PTPRD: variants seen among roughly 807,000 people sequenced by gnomAD.
The protein encoded by PTPRD is receptor-type tyrosine-protein phosphatase delta.
A neutral mutation model predicts 214.5 loss-of-function variants in PTPRD; 34 were observed. That is an observed-to-expected ratio of 0.16 (90% CI 0.12 to 0.21). PTPRD has a LOEUF of 0.21. Among genes scored for constraint, PTPRD ranks in the 10% least tolerant of loss-of-function variants. PTPRD has a pLI of 1.00. For synonymous variants in PTPRD, 1,128 were observed against 845.7 expected (o/e 1.33, Z -5.79); for missense variants, 2,545 against 2,398.7 (o/e 1.06, Z -1.27).
intron 2 of PTPRD, among the ~76,000 whole-genome samples, chr9:10,528,384 T>C (rs1168252698): frequency 6.6e-6 from 1 of 152,142 alleles, no homozygotes; most frequent in Non-Finnish European, 1.5e-5. Flanking sequence ...TGAGTTCACA[T>C]ATATAAATGC....
intron 11 of PTPRD, among the ~76,000 whole-genome samples, chr9:8,856,017 G>C (rs1018476798): frequency 5.3e-5 from 8 of 152,216 alleles, no homozygotes; most frequent in African/African-American, 1.9e-4. Flanking sequence ...ATTATGGAAT[G>C]TGGGAGGTAG....
At chr9:9,810,091 AAAGATG>A (rs2046659972) in intron 5 of PTPRD, among the ~76,000 whole-genome samples, 1 of 149,756 alleles carries the variant, frequency 6.7e-6, no homozygotes, top group Non-Finnish European at 1.5e-5. Flanking sequence ...TACTCAGTGT[AAAGATG>A]AAGATGAAGA....
At chr9:10,387,989 A>T (rs560796392) in intron 2 of PTPRD, among the ~76,000 whole-genome samples, 1 of 151,592 alleles carries the variant, frequency 6.6e-6, no homozygotes, top group East Asian at 2.0e-4. Context: ...AGTTGTCTCA[A>T]GCATTGATCT....
At chr9:8,704,396 G>C (rs1475604389) in intron 12 of PTPRD, among the ~76,000 whole-genome samples, 2 of 152,132 alleles carry the variant, frequency 1.3e-5, no homozygotes, top group African/African-American at 4.8e-5. Flanking sequence ...AGAGTAGGAA[G>C]GAGGATGGGA....
intron 3 of PTPRD, among the ~76,000 whole-genome samples, chr9:10,139,589 C>T (rs2098968144): frequency 6.6e-6 from 1 of 151,656 alleles, no homozygotes; most frequent in South Asian, 2.1e-4. Flanking sequence ...CTTAAGCAAA[C>T]AAACAAACAA....
chr9:9,130,291 T>C (rs1412410763), intron 10 of PTPRD, among the ~76,000 whole-genome samples: 2 of 152,172 alleles, frequency 1.3e-5, no homozygotes, highest in Non-Finnish European at 2.9e-5. Flanking sequence ...TATGAAAATT[T>C]GGGCATTTAC....
intron 11 of PTPRD, among the ~76,000 whole-genome samples, chr9:9,012,982 T>A (rs1258101542): frequency 6.6e-6 from 1 of 152,068 alleles, no homozygotes; most frequent in African/African-American, 2.4e-5. Context: ...AGTGTCTAAA[T>A]TTTTTGAATG....
intron 9 of PTPRD, among the ~76,000 whole-genome samples, chr9:9,230,686 G>T (rs925982280): frequency 6.6e-6 from 1 of 152,000 alleles, no homozygotes; most frequent in African/African-American, 2.4e-5. Context: ...TGCTTGGTAC[G>T]GAAAAACTCC....
intron 2 of PTPRD, among the ~76,000 whole-genome samples, chr9:10,368,198 T>G (rs2097548475): frequency 6.6e-6 from 1 of 152,128 alleles, no homozygotes; most frequent in Admixed American, 6.6e-5. Context: ...CCTCTTTATA[T>G]GTTGTTTTCA....
At chr9:10,409,650 A>G (rs534705414) in intron 2 of PTPRD, among the ~76,000 whole-genome samples, 1 of 151,972 alleles carries the variant, frequency 6.6e-6, no homozygotes, top group East Asian at 2.0e-4. Context: ...ACCACATCAT[A>G]CTTGACACTT....
chr9:8,369,197 A>T (rs1435015960), intron 39 of PTPRD, among the ~76,000 whole-genome samples: 2 of 152,142 alleles, frequency 1.3e-5, no homozygotes, highest in African/African-American at 4.8e-5. Flanking sequence ...ATGGTTAAAA[A>T]TGTATTAAAC....
chr9:8,738,100 C>T (rs1027307008), intron 11 of PTPRD, among the ~76,000 whole-genome samples: 2 of 152,168 alleles, frequency 1.3e-5, no homozygotes, highest in Admixed American at 6.5e-5. Flanking sequence ...TTCCAATTAA[C>T]TGAATTGTAT....
intron 14 of PTPRD, among the ~76,000 whole-genome samples, chr9:8,553,625 T>A (rs1038557947): frequency 6.6e-6 from 1 of 152,172 alleles, no homozygotes. Context: ...TTATGACAGG[T>A]ACATGACTCA....
intron 11 of PTPRD, among the ~76,000 whole-genome samples, chr9:8,957,598 C>G (rs1187043448): frequency 6.6e-6 from 1 of 151,824 alleles, no homozygotes; most frequent in African/African-American, 2.4e-5. Flanking sequence ...TGCACGATTC[C>G]TTGTATCTTT....
rs2088646107 is a variant in PTPRD, at chr9:8,389,543, T to G, written c.4211-136A>C. 5.1e-6 allele frequency: 3 copies of G among 586,910 alleles called. No individual in the cohort carries two copies. In the East Asian group the frequency reaches 9.2e-5, roughly 18 times the overall value. 36.4% of individuals were successfully genotyped at this position (586,910 alleles called of 1,614,324 possible). On this transcript the variant is annotated intron_variant, in intron 36 of 45. Coordinates refer to ENST00000381196, the MANE Select transcript of PTPRD (RefSeq NM_002839.4). ...GTCACAATATATTGAAGGTCGGGTT[T>G]CAAGCAAGATTAAAAACAGGTCCTA... is the stretch of plus-strand genomic sequence containing the variant.
At chr9:8,322,256 G>C (rs1829137576) in intron 44 of PTPRD, among the ~76,000 whole-genome samples, 1 of 152,162 alleles carries the variant, frequency 6.6e-6, no homozygotes, top group African/African-American at 2.4e-5. Flanking sequence ...GAAAGGGAGA[G>C]TCGCGTGTAT....
intron 8 of PTPRD, among the ~76,000 whole-genome samples, chr9:9,534,956 A>G (rs1287209338): frequency 2.6e-5 from 4 of 152,080 alleles, no homozygotes; most frequent in African/African-American, 9.7e-5. Flanking sequence ...ATACAACTGT[A>G]AAGATGAGGA....
intron 5 of PTPRD, among the ~76,000 whole-genome samples, chr9:9,835,280 T>C (rs551073446): frequency 6.6e-6 from 1 of 152,228 alleles, no homozygotes; most frequent in South Asian, 2.1e-4. Flanking sequence ...GAGATAACCA[T>C]ACAACCCCTG....
chr9:8,502,506 G>T (rs1277435236), intron 23 of PTPRD, among the ~76,000 whole-genome samples: 1 of 152,044 alleles, frequency 6.6e-6, no homozygotes, highest in African/African-American at 2.4e-5. Flanking sequence ...TGACAAAAAA[G>T]AAATCCTCAT....
Sources: gnomAD v4.1 joint callset for allele counts (sites outside exome capture counted in the v4.1 genomes callset) on GRCh38, gnomAD v4.1.1 for gene constraint, MANE v1.5 for transcripts, NCBI Gene and HGNC (gene_info 2026-07-23, HGNC 2026-07-21) for gene names.